Variants in TBC1D16 observed in about 807,000 individuals in gnomAD.
TBC1D16 encodes TBC1 domain family member 16, also known as CTD-2529O21.1.
TBC1D16 carries 58 observed loss-of-function variants against 74.7 expected under a neutral mutation model. The ratio of observed to expected loss-of-function variants is 0.78; its 90% CI spans 0.63 to 0.97. The LOEUF (loss-of-function observed/expected upper bound fraction) is 0.97, where lower values mean the gene tolerates loss of function less well. TBC1D16 is among the 50% of genes least tolerant of loss of function. TBC1D16 has a pLI of 0.00. For synonymous variants in TBC1D16, 493 were observed against 474.7 expected, an observed-to-expected ratio of 1.04 and a Z score of -0.50; for missense variants, 1,014 against 1,079.5, an observed-to-expected ratio of 0.94 and a Z score of 0.85.
At chr17:79,991,668 G>A (rs1391402680) in intron 3 of TBC1D16, among the ~76,000 whole-genome samples, 1 of 149,308 alleles carries the variant, frequency 6.7e-6, no homozygotes, top group Non-Finnish European at 1.5e-5. Flanking sequence ...GAGGCGCGCA[G>A]GCAGTGCTGC....
chr17:80,021,618 C>G (rs2036284211), intron 1 of TBC1D16, among the ~76,000 whole-genome samples: 1 of 149,574 alleles, frequency 6.7e-6, no homozygotes, highest in Middle Eastern at 3.4e-3. Context: ...TCACTACATA[C>G]ACACCATAGA....
intron 3 of TBC1D16, among the ~76,000 whole-genome samples, chr17:79,991,296 T>C (rs1039602337): frequency 1.3e-5 from 2 of 152,158 alleles, no homozygotes; most frequent in African/African-American, 4.8e-5. Flanking sequence ...CAGCCAGGCA[T>C]CTCTGCTTTG....
At chr17:79,989,340 T>C (rs1170832718) in intron 3 of TBC1D16, among the ~76,000 whole-genome samples, 1 of 152,192 alleles carries the variant, frequency 6.6e-6, no homozygotes, top group African/African-American at 2.4e-5. Flanking sequence ...TCACTGGTGG[T>C]TGGTTCAGCA....
chr17:79,944,813 G>T lies in TBC1D16; in HGVS notation c.1908+95C>A. ...GGCTAATGTGTGGCTGTGGGTGGGG[G>T]GCGGCGAGGCGGACAGGGGCAGCAG... On this transcript the variant is annotated intron_variant, in intron 10 of 11. Transcript: ENST00000310924. The surrounding 1 kb of genome is among the most constrained non-coding windows in gnomAD (Gnocchi z 7.7). 1 of 1,161,144 alleles carries T rather than the reference G, an allele frequency of 8.6e-7. No individual in the cohort carries two copies. Among genetic ancestry groups the T allele is most frequent in the Non-Finnish European group, 1.2e-6 (1 of 843,762 alleles). The allele number at this position is 1,161,144 out of a possible 1,614,324, so 71.9% of individuals were successfully genotyped here.
rs550326323 is a variant in TBC1D16, at chr17:79,951,344, C to T, written c.1089+106G>A. ...CTACCGTGGGTCACACCCCGTAAGC[C>T]CCCGGGGCCCGGGGACCCCAGACAC... is the stretch of plus-strand genomic sequence containing the variant. On this transcript the variant is annotated intron_variant, in intron 5 of 11. Transcript: ENST00000310924. 4,833 of 1,405,034 alleles carry T rather than the reference C, an allele frequency of 3.4e-3. 11 individuals carry two copies. The highest frequency in any genetic ancestry group is 4.2e-3 in the Non-Finnish European group (4,366 of 1,039,952). The allele number at this position is 1,405,034 out of a possible 1,614,324, so 87.0% of individuals were successfully genotyped here. A position where few individuals can be genotyped will look rare whatever the true frequency, so the allele number is the denominator to read the frequency against.
At chr17:79,976,214 C>T (rs190132993) in intron 3 of TBC1D16, among the ~76,000 whole-genome samples, 2 of 152,364 alleles carry the variant, frequency 1.3e-5, no homozygotes, top group East Asian at 3.9e-4. Flanking sequence ...CCCTACATGT[C>T]GATGCCGAGA....
intron 9 of TBC1D16, among the ~76,000 whole-genome samples, chr17:79,945,920 A>T (rs1222526089): frequency 6.6e-6 from 1 of 152,202 alleles, no homozygotes; most frequent in Non-Finnish European, 1.5e-5. Context: ...CAGGTGGCCC[A>T]TTGTTCCCAC....
At position 80,012,889 on chromosome 17, in the gene TBC1D16, G is replaced by A. The variant is rs558805934; in HGVS notation, c.181+478C>T. On this transcript the variant is annotated intron_variant, in intron 2 of 11. Transcript: ENST00000310924. The stretch of plus-strand genomic sequence containing the variant: ...CAACAGGAAGAAATGAGAAGAGAGA[G>A]TCCAGAGACTGCCCTGCAGCCCCAC... 1.2e-4 allele frequency among the ~76,000 whole-genome samples: 19 copies of A among 152,284 alleles called. No homozygotes were observed. In the East Asian group the frequency reaches 3.7e-3, roughly 29 times the overall value.
chr17:79,983,717 T>G lies in TBC1D16; in HGVS notation c.779+26443A>C, dbSNP rs1218899952. On this transcript the variant is annotated intron_variant, in intron 3 of 11. Coordinates refer to ENST00000310924, the MANE Select transcript of TBC1D16 (RefSeq NM_019020.4). This position sits in a 1 kb window ranked among gnomAD's most constrained non-coding sequence, Gnocchi z 5.6. Reference sequence around the variant, plus strand: ...AGACCGGGGCACGGAACGACCAGACTGGGGAGGAAGGAGTGGAGCACTGGC... The same window carrying G: ...AGACCGGGGCACGGAACGACCAGACGGGGGAGGAAGGAGTGGAGCACTGGC... Among the ~76,000 whole-genome samples the G allele has an allele frequency of 6.6e-6, 1 of 152,134 alleles. No individual in the cohort carries two copies. The highest frequency in any genetic ancestry group is 1.5e-5 in the Non-Finnish European group (1 of 68,008).
intron 1 of TBC1D16, among the ~76,000 whole-genome samples, chr17:80,014,513 AAG>A (rs1163909441): frequency 6.6e-6 from 1 of 152,204 alleles, no homozygotes; most frequent in African/African-American, 2.4e-5. Flanking sequence ...TAAATATGTA[AAG>A]AGATTCTCAG....
At chr17:79,972,165 G>A (rs1469354162) in intron 3 of TBC1D16, among the ~76,000 whole-genome samples, 1 of 152,076 alleles carries the variant, frequency 6.6e-6, no homozygotes, top group African/African-American at 2.4e-5. Flanking sequence ...GCTATAAAAA[G>A]GAAGGAAATT....
At position 79,949,784 on chromosome 17, in the gene TBC1D16, T is replaced by G; in HGVS notation, c.1339A>C (p.Thr447Pro). Residue 447 changes from threonine to proline, a missense_variant, in exon 7 of 12, where the codon ACG becomes CCG. Transcript: ENST00000310924. ...CGCAGCGCCTCCCGCTCCTCCGACG[T>G]GGACTCGTGGCTGTAATAGCGCAGC... ...FLLRYYSHES[T>P]SEEREALRLQ... 6.2e-7 allele frequency: 1 copy of G among 1,613,704 alleles called. No individual in the cohort carries two copies. The highest frequency in any genetic ancestry group is 8.5e-7 in the Non-Finnish European group (1 of 1,179,952).
intron 1 of TBC1D16, among the ~76,000 whole-genome samples, chr17:80,024,361 C>T (rs2036412265): frequency 6.6e-6 from 1 of 150,910 alleles, no homozygotes; most frequent in East Asian, 1.9e-4. Context: ...CCACACACAA[C>T]ACACACCACA....
chr17:80,025,545 G>A (rs1230393922), intron 1 of TBC1D16, among the ~76,000 whole-genome samples: 1 of 137,788 alleles, frequency 7.3e-6, no homozygotes, highest in East Asian at 2.1e-4. Context: ...AGCAGTCCTG[G>A]CACCTGGGCT....
chr17:79,969,385 CAAAA>C (rs1468701350), intron 3 of TBC1D16, among the ~76,000 whole-genome samples: 1 of 152,030 alleles, frequency 6.6e-6, no homozygotes, highest in African/African-American at 2.4e-5. Context: ...GACTCCATCT[CAAAA>C]CAAACAAACA....
At chr17:79,970,910 A>C (rs1339424756) in intron 3 of TBC1D16, among the ~76,000 whole-genome samples, 1 of 146,100 alleles carries the variant, frequency 6.8e-6, no homozygotes, top group Non-Finnish European at 1.5e-5. Context: ...CCCTCTGGAA[A>C]CAGAGATGCA....
chr17:79,960,355 G>A (rs1389331336), intron 3 of TBC1D16, among the ~76,000 whole-genome samples: 1 of 152,146 alleles, frequency 6.6e-6, no homozygotes, highest in Non-Finnish European at 1.5e-5. Flanking sequence ...ATGAAAAGGT[G>A]CTCGACAGCA....
At position 79,950,425 on chromosome 17, in the gene TBC1D16, A is replaced by G; in HGVS notation, c.1243T>C (p.Tyr415His). Residue 415 changes from tyrosine (Y) to histidine (H), a missense_variant, in exon 6 of 12, where the codon TAC (tyrosine) becomes CAC (histidine). Tyr to His is a moderately conservative substitution (Grantham distance 83). Transcript: ENST00000310924. This position sits in a 1 kb window ranked among gnomAD's most constrained non-coding sequence, Gnocchi z 4.6. Reference protein sequence around the residue: ...LNELGQVEEEYKLRKAIFFGG... With the variant: ...LNELGQVEEEHKLRKAIFFGG... The stretch of plus-strand genomic sequence containing the variant: ...CCGGACCTCACCTTCCGCAGCTTGT[A>G]CTCCTCCTCCACCTGGCCCAGCTCA... 2 of 1,608,306 alleles carry G rather than the reference A, an allele frequency of 1.2e-6. No individual in the cohort carries two copies.
intron 3 of TBC1D16, among the ~76,000 whole-genome samples, chr17:79,976,911 C>T (rs992911325): frequency 2.6e-5 from 4 of 152,206 alleles, no homozygotes; most frequent in African/African-American, 4.8e-5. Context: ...TCCTGCTTCA[C>T]GCAGCCCAGG....
Sources: gnomAD v4.1 joint callset for allele counts (sites outside exome capture counted in the v4.1 genomes callset) on GRCh38, gnomAD v4.1.1 for gene constraint, Gnocchi (gnomAD v3.1) non-coding constraint, MANE v1.5 for transcripts, NCBI Gene and HGNC (gene_info 2026-07-23, HGNC 2026-07-21) for gene names.